PDE8B: variants seen among roughly 807,000 people sequenced by gnomAD.
PDE8B encodes the protein phosphodiesterase 8B.
A neutral mutation model predicts 101.3 loss-of-function variants in PDE8B; 26 were observed. The observed-to-expected ratio is 0.26, with a 90% CI of 0.19 to 0.36. PDE8B has a LOEUF of 0.36. Ranked by LOEUF, PDE8B falls within the 10% of genes least tolerant of loss-of-function variation. The pLI is 1.00. For synonymous variants in PDE8B, 424 were observed against 429.3 expected (o/e 0.99, Z 0.15); for missense variants, 810 against 1,163.1 (o/e 0.70, Z 4.42).
chr5:77,248,195 C>A (rs1256225390), intron 1 of PDE8B, among the ~76,000 whole-genome samples: 1 of 152,204 alleles, frequency 6.6e-6, no homozygotes, highest in African/African-American at 2.4e-5. Context: ...ATTAACTGGA[C>A]TGCAAGCTCG....
At chr5:77,342,829 G>T (rs1779452536) in intron 6 of PDE8B, among the ~76,000 whole-genome samples, 1 of 152,198 alleles carries the variant, frequency 6.6e-6, no homozygotes, top group South Asian at 2.1e-4. Context: ...GGGGAGTTCT[G>T]CTGGGTTTGC....
At chr5:77,266,009 C>T (rs1357714940) in intron 1 of PDE8B, among the ~76,000 whole-genome samples, 3 of 152,096 alleles carry the variant, frequency 2.0e-5, no homozygotes, top group Admixed American at 6.5e-5. Context: ...CTGCGCTGCT[C>T]AGGAAAAAAG....
chr5:77,281,675 T>A (rs1203093423), intron 1 of PDE8B, among the ~76,000 whole-genome samples: 1 of 152,168 alleles, frequency 6.6e-6, no homozygotes, highest in Non-Finnish European at 1.5e-5. Flanking sequence ...TCCAAAATGA[T>A]CTTTCCACCT....
the PDE8B span, among the ~76,000 whole-genome samples, chr5:77,149,577 C>G: frequency 6.6e-5 from 10 of 152,114 alleles, no homozygotes; most frequent in African/African-American, 1.9e-4. Flanking sequence ...AAGTCTTAAA[C>G]TTTTATTACA....
At chr5:77,256,269 C>A (rs1432147027) in intron 1 of PDE8B, among the ~76,000 whole-genome samples, 1 of 152,162 alleles carries the variant, frequency 6.6e-6, no homozygotes, top group East Asian at 1.9e-4. Flanking sequence ...ATGAGGTCTT[C>A]CCACACTTTT....
intron 2 of PDE8B, among the ~76,000 whole-genome samples, chr5:77,322,185 T>C (rs1195418760): frequency 6.6e-6 from 1 of 152,054 alleles, no homozygotes; most frequent in Non-Finnish European, 1.5e-5. Flanking sequence ...AATTGTGGCC[T>C]GGAGTGTAAG....
chr5:77,220,113 T>C (rs1194230529), intron 1 of PDE8B, among the ~76,000 whole-genome samples: 1 of 152,210 alleles, frequency 6.6e-6, no homozygotes, highest in Non-Finnish European at 1.5e-5. Context: ...GGACCCCTCC[T>C]CACCCAGTAG....
chr5:77,396,888 G>A (rs1247679524), intron 10 of PDE8B, among the ~76,000 whole-genome samples: 2 of 151,498 alleles, frequency 1.3e-5, no homozygotes, highest in African/African-American at 4.9e-5. Context: ...GAAAAACCTA[G>A]GATTACTTAA....
At chr5:77,128,974 A>C in the PDE8B span, among the ~76,000 whole-genome samples, 4,595 of 152,250 alleles carry the variant, frequency 0.03, 240 homozygotes, top group East Asian at 0.23. Flanking sequence ...CCCTTTACCC[A>C]GATATTAGCT....
At chr5:77,208,055 C>T (rs1457460076), upstream of PDE8B, among the ~76,000 whole-genome samples, 2 of 152,174 alleles carry the variant, frequency 1.3e-5, no homozygotes. Context: ...TCACTAGCTA[C>T]CTTGAGGTCA....
chr5:77,275,068 C>A (rs28409208), intron 1 of PDE8B, among the ~76,000 whole-genome samples: 41,057 of 152,076 alleles, frequency 0.27, 6,075 homozygotes, highest in South Asian at 0.46. Context: ...TAGTATCACA[C>A]ACACACACTA....
At chr5:77,271,826 T>C (rs1762864040) in intron 1 of PDE8B, among the ~76,000 whole-genome samples, 1 of 152,064 alleles carries the variant, frequency 6.6e-6, no homozygotes, top group Non-Finnish European at 1.5e-5. Context: ...CCACTTCACA[T>C]TCTACGGATG....
intron 1 of PDE8B, chr5:77,246,773 C>G (rs747291350): frequency 3.3e-5 from 5 of 152,274 alleles, no homozygotes; most frequent in South Asian, 4.1e-4. Flanking sequence ...GTTGGAGAAG[C>G]TGTGAGCTCG....
intron 11 of PDE8B, among the ~76,000 whole-genome samples, chr5:77,401,142 T>C (rs1360800005): frequency 6.6e-6 from 1 of 152,222 alleles, no homozygotes; most frequent in Non-Finnish European, 1.5e-5. Context: ...GAAGGAAATG[T>C]ATAATGCTTA....
At chr5:77,243,677 T>C (rs1372226780) in intron 1 of PDE8B, among the ~76,000 whole-genome samples, 1 of 152,126 alleles carries the variant, frequency 6.6e-6, no homozygotes, top group East Asian at 1.9e-4. Context: ...GTGTGAGTAG[T>C]TGGTTCCATT....
chr5:77,281,567 A>G (rs1046915301), intron 1 of PDE8B, among the ~76,000 whole-genome samples: 5 of 152,108 alleles, frequency 3.3e-5, no homozygotes, highest in Admixed American at 6.5e-5. Context: ...CTCTGCCTCC[A>G]TGGTCACATT....
the PDE8B span, among the ~76,000 whole-genome samples, chr5:77,167,451 T>A: frequency 6.6e-6 from 1 of 152,152 alleles, no homozygotes; most frequent in Non-Finnish European, 1.5e-5. Context: ...ACCACAGGGT[T>A]TGTTTAAATA....
the PDE8B span, among the ~76,000 whole-genome samples, chr5:77,192,657 A>AT: frequency 6.6e-6 from 1 of 152,312 alleles, no homozygotes; most frequent in South Asian, 2.1e-4. Context: ...GCCTTTGGCC[A>AT]TTTTCCATTA....
chr5:77,406,699 GGGGT>G (rs1561664517), intron 12 of PDE8B, among the ~76,000 whole-genome samples: 2 of 152,098 alleles, frequency 1.3e-5, no homozygotes, highest in African/African-American at 4.8e-5. Context: ...TGCCTCAGAG[GGGGT>G]GGTAGGAAGA....
Sources: gnomAD v4.1 joint callset for allele counts (sites outside exome capture counted in the v4.1 genomes callset) on GRCh38, gnomAD v4.1.1 for gene constraint, MANE v1.5 for transcripts, NCBI Gene and HGNC (gene_info 2026-07-23, HGNC 2026-07-21) for gene names.